Variants in ADAMTSL1 observed in about 807,000 individuals in gnomAD.
The protein encoded by ADAMTSL1 is ADAMTS like 1, also known as ADAMTS-like protein 1.
In ADAMTSL1, 126 loss-of-function variants were observed where a neutral mutation model predicts 201.8. That is an observed-to-expected ratio of 0.62 (90% CI 0.54 to 0.72). ADAMTSL1 has a LOEUF of 0.72. Among genes scored for constraint, ADAMTSL1 ranks in the 30% least tolerant of loss-of-function variants. The pLI is 0.00. For missense variants in ADAMTSL1, 2,679 were observed against 2,277.8 expected, an observed-to-expected ratio of 1.18 and a Z score of -3.59; for synonymous variants, 1,121 against 903.4, an observed-to-expected ratio of 1.24 and a Z score of -4.32.
At chr9:18,591,800 T>C (rs1036025230) in intron 4 of ADAMTSL1, among the ~76,000 whole-genome samples, 4 of 152,212 alleles carry the variant, frequency 2.6e-5, no homozygotes, top group African/African-American at 9.6e-5. Flanking sequence ...TAAAAATTCA[T>C]GCTTCAGGAT....
intron 24 of ADAMTSL1, among the ~76,000 whole-genome samples, chr9:18,889,124 T>G (rs192963167): frequency 1.3e-5 from 2 of 152,328 alleles, no homozygotes; most frequent in Admixed American, 1.3e-4. Context: ...AAAGTCCAGC[T>G]CAAATCTGTA....
intron 23 of ADAMTSL1, among the ~76,000 whole-genome samples, 185 bp downstream of exon 23, chr9:18,830,162 AGTT>A (rs1824885187): frequency 6.6e-6 from 1 of 152,204 alleles, no homozygotes; most frequent in Non-Finnish European, 1.5e-5. Flanking sequence ...AGGTGAATGC[AGTT>A]GTTAGTCTGG....
At chr9:18,121,278 A>G (rs1461304948) in intron 1 of ADAMTSL1, among the ~76,000 whole-genome samples, 2 of 152,208 alleles carry the variant, frequency 1.3e-5, no homozygotes, top group Non-Finnish European at 2.9e-5. Flanking sequence ...TGTGTTTGAA[A>G]TGATTCCATT....
At chr9:18,230,921 C>T (rs1179998592) in intron 2 of ADAMTSL1, among the ~76,000 whole-genome samples, 2 of 152,066 alleles carry the variant, frequency 1.3e-5, no homozygotes, top group Admixed American at 6.6e-5. Context: ...CATATTTGTG[C>T]CTAGGATTTT....
chr9:18,734,222 A>G (rs1818384286), intron 15 of ADAMTSL1, among the ~76,000 whole-genome samples: 1 of 152,108 alleles, frequency 6.6e-6, no homozygotes. Flanking sequence ...GGTAATAGAG[A>G]TTAGTTTTGG....
chr9:18,047,286 G>A (rs1051664326), intron 1 of ADAMTSL1, among the ~76,000 whole-genome samples: 2 of 152,144 alleles, frequency 1.3e-5, no homozygotes, highest in Admixed American at 6.5e-5. Context: ...TTTCAACCCA[G>A]GGTAATTTTG....
At chr9:18,570,572 A>C (rs1282975095) in intron 3 of ADAMTSL1, among the ~76,000 whole-genome samples, 1 of 140,576 alleles carries the variant, frequency 7.1e-6, no homozygotes, top group East Asian at 2.0e-4. Context: ...ATTTACACTT[A>C]AATCATCAAA....
chr9:18,237,262 G>A (rs1830884813), intron 2 of ADAMTSL1, among the ~76,000 whole-genome samples: 1 of 152,212 alleles, frequency 6.6e-6, no homozygotes, highest in Non-Finnish European at 1.5e-5. Flanking sequence ...TGACCACTGT[G>A]TGTCTTGTAG....
intron 2 of ADAMTSL1, among the ~76,000 whole-genome samples, chr9:18,380,137 GTTTAT>G (rs1447716228): frequency 6.6e-6 from 1 of 152,066 alleles, no homozygotes; most frequent in African/African-American, 2.4e-5. Context: ...ATTTCTCACT[GTTTAT>G]TTTAACAGCC....
rs1588124743 is a variant in ADAMTSL1 at position 18,795,594 on chromosome 9, C to G, written c.3805+70C>G. 10 of 1,493,560 alleles carry G rather than the reference C, an allele frequency of 6.7e-6. No individual in the cohort carries two copies. The East Asian group carries it at 2.5e-4, about 37-fold the overall frequency. The allele number at this position is 1,493,560 out of a possible 1,614,324, so 92.5% of individuals were successfully genotyped here. On this transcript the variant is annotated intron_variant, in intron 20 of 28. Transcript: ENST00000380548. ...GAATGAGTGCCTATAGTGTGTCAAA[C>G]AGGCCCAGAGATGCATAGATAAAGG... is the stretch of plus-strand genomic sequence containing the variant.
chr9:18,764,535 C>T (rs1820253924), intron 16 of ADAMTSL1, among the ~76,000 whole-genome samples: 1 of 152,178 alleles, frequency 6.6e-6, no homozygotes, highest in Non-Finnish European at 1.5e-5. Flanking sequence ...GGCTTTTGAG[C>T]TGGACCTTCA....
intron 1 of ADAMTSL1, among the ~76,000 whole-genome samples, chr9:17,926,044 C>T (rs1476392276): frequency 6.6e-6 from 1 of 152,036 alleles, no homozygotes; most frequent in Non-Finnish European, 1.5e-5. Context: ...TACCACAAAC[C>T]AGCCAAACAA....
intron 2 of ADAMTSL1, among the ~76,000 whole-genome samples, chr9:18,517,744 T>A (rs927182240): frequency 6.6e-6 from 1 of 152,232 alleles, no homozygotes; most frequent in African/African-American, 2.4e-5. Context: ...TCATTTTTTA[T>A]GGCTGCATAG....
chr9:17,970,597 G>A (rs764047400), intron 1 of ADAMTSL1, among the ~76,000 whole-genome samples: 4 of 151,984 alleles, frequency 2.6e-5, no homozygotes, highest in Non-Finnish European at 4.4e-5. Context: ...TATTTTTGCT[G>A]TTTCCTGTGT....
intron 1 of ADAMTSL1, among the ~76,000 whole-genome samples, chr9:17,950,086 T>G (rs1029437009): frequency 1.3e-5 from 2 of 152,198 alleles, no homozygotes; most frequent in Admixed American, 6.6e-5. Context: ...TGCCAGCTTA[T>G]TTTTTGTATT....
intron 5 of ADAMTSL1, among the ~76,000 whole-genome samples, chr9:18,625,991 A>G (rs756301922): frequency 1.3e-5 from 2 of 152,236 alleles, no homozygotes; most frequent in Non-Finnish European, 2.9e-5. Context: ...TTTGAGGTAA[A>G]GTACGCTTAT....
At chr9:18,542,332 C>G (rs1820203529) in intron 3 of ADAMTSL1, among the ~76,000 whole-genome samples, 1 of 152,152 alleles carries the variant, frequency 6.6e-6, no homozygotes, top group African/African-American at 2.4e-5. Flanking sequence ...TGCACTCAGC[C>G]TGGTACCTGA....
chr9:18,216,277 G>A (rs745945841), intron 2 of ADAMTSL1, among the ~76,000 whole-genome samples: 1 of 152,222 alleles, frequency 6.6e-6, no homozygotes, highest in Non-Finnish European at 1.5e-5. Context: ...TGGACAAAGA[G>A]TTTGCCTTTA....
chr9:18,007,948 C>A (rs943560834), intron 1 of ADAMTSL1, among the ~76,000 whole-genome samples: 1 of 152,028 alleles, frequency 6.6e-6, no homozygotes, highest in Non-Finnish European at 1.5e-5. Context: ...CTCAGACCAT[C>A]TGACACATAA....
Sources: allele counts gnomAD v4.1 joint callset (sites outside exome capture counted in the v4.1 genomes callset), GRCh38; gene constraint gnomAD v4.1.1; transcripts MANE v1.5; gene names NCBI Gene and HGNC (gene_info 2026-07-23, HGNC 2026-07-21).